The following CLDN10 variants were observed in gnomAD, a reference collection of about 807,000 sequenced individuals.
CLDN10 encodes the protein claudin-10.
In CLDN10, 15 loss-of-function variants were observed where a neutral mutation model predicts 22.9. The observed-to-expected ratio is 0.65, with a 90% CI of 0.44 to 1.01. The LOEUF (loss-of-function observed/expected upper bound fraction) is 1.01, where lower values mean the gene tolerates loss of function less well. Ranked by LOEUF, CLDN10 falls within the 50% of genes least tolerant of loss-of-function variation. CLDN10 has a pLI of 0.00. For synonymous variants in CLDN10, 114 were observed against 111.4 expected, an observed-to-expected ratio of 1.02 and a Z score of -0.15; for missense variants, 247 against 287.8, an observed-to-expected ratio of 0.86 and a Z score of 1.03.
At chr13:95,475,532 C>T (rs529361443) in intron 1 of CLDN10, among the ~76,000 whole-genome samples, 1 of 152,352 alleles carries the variant, frequency 6.6e-6, no homozygotes, top group African/African-American at 2.4e-5. Context: ...CACCAGTGGG[C>T]TTCTCTGCTG....
intron 1 of CLDN10, among the ~76,000 whole-genome samples, chr13:95,447,992 C>A (rs574127639): frequency 1.3e-3 from 196 of 152,250 alleles, no homozygotes; most frequent in African/African-American, 4.6e-3. Context: ...GCTTCCTGTG[C>A]CTGCGGCGAG....
intron 1 of CLDN10, among the ~76,000 whole-genome samples, chr13:95,521,889 G>A (rs1411614809): frequency 6.6e-6 from 1 of 151,698 alleles, no homozygotes; most frequent in Non-Finnish European, 1.5e-5. Flanking sequence ...GTTCATTTTG[G>A]TATGTTGTAA....
At chr13:95,518,889 A>G (rs2043197409) in intron 1 of CLDN10, among the ~76,000 whole-genome samples, 1 of 152,226 alleles carries the variant, frequency 6.6e-6, no homozygotes, top group Non-Finnish European at 1.5e-5. Flanking sequence ...GCTATAGAAT[A>G]TTGGCTGATG....
chr13:95,563,233 A>C (rs1266565507), intron 3 of CLDN10, among the ~76,000 whole-genome samples: 2 of 147,608 alleles, frequency 1.4e-5, no homozygotes, highest in African/African-American at 5.0e-5. Context: ...AGAGAGAGAG[A>C]GATAGATGTG....
chr13:95,441,777 G>A (rs926174160), intron 1 of CLDN10, among the ~76,000 whole-genome samples: 2 of 152,178 alleles, frequency 1.3e-5, no homozygotes, highest in Non-Finnish European at 2.9e-5. Context: ...TTGGCCTTAG[G>A]AATGTGATGG....
chr13:95,530,813 T>TA (rs138600611), intron 1 of CLDN10, among the ~76,000 whole-genome samples: 16 of 151,934 alleles, frequency 1.1e-4, no homozygotes, highest in East Asian at 1.9e-4. Flanking sequence ...TCTTTACAAA[T>TA]AAAAAATAAA....
intron 1 of CLDN10, among the ~76,000 whole-genome samples, chr13:95,519,230 T>C (rs1205120525): frequency 7.9e-5 from 12 of 152,182 alleles, no homozygotes; most frequent in African/African-American, 2.9e-4. Context: ...GATCTGGGCT[T>C]TTTCTGTCAC....
At chr13:95,499,547 A>G (rs1262986661) in intron 1 of CLDN10, among the ~76,000 whole-genome samples, 2 of 152,206 alleles carry the variant, frequency 1.3e-5, no homozygotes, top group Non-Finnish European at 2.9e-5. Flanking sequence ...CATCTCAAAA[A>G]AAAGAAAAGA....
chr13:95,445,067 C>T (rs1185657263), intron 1 of CLDN10, among the ~76,000 whole-genome samples: 4 of 152,224 alleles, frequency 2.6e-5, no homozygotes, highest in South Asian at 2.1e-4. Context: ...GGAGCCGCCA[C>T]GCCTGGCCTG....
At position 95,578,489 on chromosome 13, in the gene CLDN10, A is replaced by G. The variant is rs2043969841; in HGVS notation, c.*475A>G. 6.6e-6 allele frequency: 1 copy of G among 152,276 alleles called. No individual in the cohort carries two copies. Among genetic ancestry groups the G allele is most frequent in the Non-Finnish European group, 1.5e-5 (1 of 68,082 alleles). 9.4% of individuals were successfully genotyped at this position (152,276 alleles called of 1,614,324 possible). A position where few individuals can be genotyped will look rare whatever the true frequency, so the allele number is the denominator to read the frequency against. On this transcript the variant is annotated 3_prime_UTR_variant, in exon 5 of 5. Transcript: ENST00000299339. ...ACATGTTACTGGCTGCACACAGGCA[A>G]ATTCTAGTTTGTTTTTTTTAAGTAT...
chr13:95,453,102 T>C (rs2042447930), intron 1 of CLDN10, among the ~76,000 whole-genome samples: 1 of 152,230 alleles, frequency 6.6e-6, no homozygotes, highest in African/African-American at 2.4e-5. Context: ...AAGTTTTATT[T>C]TTGTAAAAGT....
Position 95,579,404 on chromosome 13 carries a change from C to T in CLDN10, c.*1390C>T, listed in dbSNP as rs1487168842. 1 of 152,184 alleles carries T rather than the reference C, an allele frequency of 6.6e-6. No homozygotes were observed. Among genetic ancestry groups the T allele is most frequent in the Non-Finnish European group, 1.5e-5 (1 of 68,026 alleles). The allele number at this position is 152,184 out of a possible 1,614,324, so 9.4% of individuals were successfully genotyped here. On this transcript the variant is annotated 3_prime_UTR_variant, in exon 5 of 5. Transcript: ENST00000299339. Reference sequence around the variant, plus strand: ...TACACACCTTTCATGTCCTGTCTCACTCACTCCTCACAGCCATCCTAGGAG... The same window carrying T: ...TACACACCTTTCATGTCCTGTCTCATTCACTCCTCACAGCCATCCTAGGAG...
intron 1 of CLDN10, among the ~76,000 whole-genome samples, chr13:95,504,386 A>G (rs1190757431): frequency 1.3e-5 from 2 of 151,938 alleles, no homozygotes; most frequent in Non-Finnish European, 2.9e-5. Context: ...ATTTTATTTT[A>G]TTTTATTTTT....
At chr13:95,455,546 T>A (rs2042474430) in intron 1 of CLDN10, among the ~76,000 whole-genome samples, 1 of 152,218 alleles carries the variant, frequency 6.6e-6, no homozygotes, top group South Asian at 2.1e-4. Context: ...TTACTTAGCT[T>A]CGTGCATGGT....
chr13:95,539,852 C>G (rs771338618), intron 1 of CLDN10, among the ~76,000 whole-genome samples: 5 of 152,106 alleles, frequency 3.3e-5, no homozygotes, highest in Non-Finnish European at 5.9e-5. Context: ...AATCTTGACC[C>G]TTTAACACAT....
At chr13:95,569,351 A>G (rs1468117674) in intron 3 of CLDN10, among the ~76,000 whole-genome samples, 1 of 152,150 alleles carries the variant, frequency 6.6e-6, no homozygotes, top group Non-Finnish European at 1.5e-5. Context: ...TGGGAGGCCA[A>G]CGTGGGTGGA....
At chr13:95,450,848 G>A (rs1027571726) in intron 1 of CLDN10, among the ~76,000 whole-genome samples, 6 of 152,130 alleles carry the variant, frequency 3.9e-5, no homozygotes, top group Non-Finnish European at 7.3e-5. Flanking sequence ...CTACTTGCTC[G>A]AATCAAGGCT....
intron 1 of CLDN10, among the ~76,000 whole-genome samples, chr13:95,475,773 C>T (rs375524200): frequency 6.7e-6 from 1 of 150,012 alleles, no homozygotes; most frequent in East Asian, 1.9e-4. Context: ...CTGCATGGGT[C>T]GAGGGTCCCT....
intron 1 of CLDN10, among the ~76,000 whole-genome samples, chr13:95,484,865 CAAAAAAAAAA>C (rs746231195): frequency 0.042 from 3,906 of 93,168 alleles, 88 homozygotes; most frequent in Non-Finnish European, 0.065. Context: ...GACCCTGTCT[CAAAAAAAAAA>C]AAAAAAAAAA....
Sources: allele counts gnomAD v4.1 joint callset (sites outside exome capture counted in the v4.1 genomes callset), GRCh38; gene constraint gnomAD v4.1.1; transcripts MANE v1.5; gene names NCBI Gene and HGNC (gene_info 2026-07-23, HGNC 2026-07-21).